PRMT8: variants seen among roughly 807,000 people sequenced by gnomAD.
PRMT8 encodes protein arginine methyltransferase 8.
A neutral mutation model predicts 47.1 loss-of-function variants in PRMT8; 7 were observed. The observed-to-expected ratio is 0.15, with a 90% CI of 0.08 to 0.28. The LOEUF is 0.28. PRMT8 is among the 10% of genes least tolerant of loss of function. The probability of loss-of-function intolerance (pLI) is 1.00; values close to 1 mark genes in which losing one functional copy is unlikely to be tolerated. For synonymous variants in PRMT8, 188 were observed against 186.5 expected, an observed-to-expected ratio of 1.01 and a Z score of -0.07; for missense variants, 237 against 505.4, an observed-to-expected ratio of 0.47 and a Z score of 5.09.
At chr12:3,448,386 T>C (rs1267664045) in intron 1 of PRMT8, among the ~76,000 whole-genome samples, 1 of 152,228 alleles carries the variant, frequency 6.6e-6, no homozygotes, top group Non-Finnish European at 1.5e-5. Context: ...GTTATTGTAT[T>C]ACAAATTTAA....
chr12:3,400,335 C>G (rs1864304151), intron 1 of PRMT8, among the ~76,000 whole-genome samples: 1 of 152,124 alleles, frequency 6.6e-6, no homozygotes, highest in Non-Finnish European at 1.5e-5. Context: ...AGGATATCAC[C>G]ATTGACCCCA....
intron 1 of PRMT8, among the ~76,000 whole-genome samples, chr12:3,424,983 A>C (rs1273116898): frequency 6.6e-6 from 1 of 152,118 alleles, no homozygotes; most frequent in East Asian, 1.9e-4. Context: ...GTCACTTTGC[A>C]AGGGTTGGCG....
At position 3,535,443 on chromosome 12, in the gene PRMT8, AG is replaced by A. The variant is rs1358339400; in HGVS notation, c.76-5160del. Among the ~76,000 whole-genome samples, 3 of 152,208 alleles carry A rather than the reference AG, an allele frequency of 2.0e-5. No individual in the cohort carries two copies. The East Asian group carries it at 5.8e-4, about 29-fold the overall frequency. On this transcript the variant is annotated intron_variant, in intron 1 of 9. Transcript: ENST00000382622. The surrounding 1 kb of genome is among the most constrained non-coding windows in gnomAD (Gnocchi z 4.7). ...GGCAAATCACAAGTATTGACAGTGG[AG>A]GGTGATTCTCACCATATCAGGGAGG...
At position 3,457,469 on chromosome 12, in the gene PRMT8, T is replaced by G. The variant is rs926946149; in HGVS notation, c.48+76027T>G. 3.4e-4 allele frequency among the ~76,000 whole-genome samples: 52 copies of G among 151,988 alleles called. 1 individual carries two copies. The highest frequency in any genetic ancestry group is 3.1e-3 in the Admixed American group (48 of 15,256). On this transcript the variant is annotated intron_variant, in intron 1 of 9. Transcript: ENST00000452611. ...GGCTACAGGTGCATGCGCCACCACA[T>G]CCAGCTAATTTTTAATTTTTGTAGA...
Position 3,593,205 on chromosome 12 carries a change from G to A in PRMT8, c.*23G>A, listed in dbSNP as rs180920995. Reference sequence around the variant, plus strand: ...TAGCACACGTGGGAAGCTGCAGAGAGCAACGAGAAAAGGAACTCTCACCTC... The same window carrying A: ...TAGCACACGTGGGAAGCTGCAGAGAACAACGAGAAAAGGAACTCTCACCTC... On this transcript the variant is annotated 3_prime_UTR_variant, in exon 10 of 10. Transcript: ENST00000382622. The surrounding 1 kb of genome is among the most constrained non-coding windows in gnomAD (Gnocchi z 4.8). 9.5e-4 allele frequency: 1,519 copies of A among 1,598,272 alleles called. 1 individual carries two copies. Among genetic ancestry groups the A allele is most frequent in the Non-Finnish European group, 1.2e-3 (1,419 of 1,167,188 alleles).
chr12:3,509,869 CA>C (rs1276605190), intron 1 of PRMT8, among the ~76,000 whole-genome samples: 2 of 152,196 alleles, frequency 1.3e-5, no homozygotes, highest in Non-Finnish European at 2.9e-5. Context: ...TTAATCAATG[CA>C]AACTGAGTAA....
intron 8 of PRMT8, among the ~76,000 whole-genome samples, chr12:3,591,156 G>A (rs996041878): frequency 3.3e-5 from 5 of 152,096 alleles, no homozygotes; most frequent in African/African-American, 1.2e-4. Flanking sequence ...ACATTTAACT[G>A]GAGAATATAT....
chr12:3,443,860 G>A (rs1206029078), intron 1 of PRMT8, among the ~76,000 whole-genome samples: 1 of 152,136 alleles, frequency 6.6e-6, no homozygotes, highest in Non-Finnish European at 1.5e-5. Flanking sequence ...TTGCTTTTGT[G>A]TCTGTCCCCC....
intron 4 of PRMT8, among the ~76,000 whole-genome samples, chr12:3,556,130 AG>A (rs1866524452): frequency 6.6e-6 from 1 of 152,144 alleles, no homozygotes; most frequent in African/African-American, 2.4e-5. Flanking sequence ...TCAGACATCC[AG>A]GTAGGTGCGC....
At chr12:3,415,464 G>A (rs1267354654) in intron 1 of PRMT8, among the ~76,000 whole-genome samples, 2 of 152,128 alleles carry the variant, frequency 1.3e-5, no homozygotes, top group East Asian at 3.9e-4. Flanking sequence ...ATCCTGTCTT[G>A]GTTTGAGTGA....
At chr12:3,420,650 G>A (rs889264164) in intron 1 of PRMT8, among the ~76,000 whole-genome samples, 25 of 152,176 alleles carry the variant, frequency 1.6e-4, no homozygotes, top group Admixed American at 5.2e-4. Context: ...TGACAATGAC[G>A]GTGGAGGCGG....
chr12:3,584,772 C>T (rs1400971350), intron 8 of PRMT8, among the ~76,000 whole-genome samples: 1 of 152,156 alleles, frequency 6.6e-6, no homozygotes, highest in Non-Finnish European at 1.5e-5. Flanking sequence ...TATAGATTCA[C>T]AGGAAGTTGT....
intron 5 of PRMT8, 89 bp downstream of exon 5, chr12:3,568,937 C>T (rs1866789430): frequency 6.5e-7 from 1 of 1,546,544 alleles, no homozygotes; most frequent in South Asian, 1.2e-5. Flanking sequence ...CATACGAAGA[C>T]TTCAGAGAAG....
chr12:3,554,783 G>A (rs745719481), intron 4 of PRMT8, among the ~76,000 whole-genome samples: 2 of 152,168 alleles, frequency 1.3e-5, no homozygotes, highest in African/African-American at 4.8e-5. Context: ...CCGAGGCACC[G>A]AGGAGTCAGC....
intron 1 of PRMT8, among the ~76,000 whole-genome samples, chr12:3,427,380 C>T (rs984700774): frequency 1.3e-5 from 2 of 151,974 alleles, no homozygotes; most frequent in Non-Finnish European, 2.9e-5. Context: ...TTTTAAAGTT[C>T]AGTTCACAGA....
rs1380161483 is a variant in PRMT8, at chr12:3,436,949, C to G, written c.48+55507C>G. 6.6e-6 allele frequency among the ~76,000 whole-genome samples: 1 copy of G among 152,186 alleles called. No homozygotes were observed. ...AGAGTTTGGTAGGTTCAATTTGATT[C>G]AGTTTGGCAAACATTTACTCACCTT... On this transcript the variant is annotated intron_variant, in intron 1 of 9. Transcript: ENST00000452611. The surrounding 1 kb of genome is among the most constrained non-coding windows in gnomAD (Gnocchi z 4.2).
intron 1 of PRMT8, among the ~76,000 whole-genome samples, chr12:3,386,198 C>T (rs1214323604): frequency 6.6e-6 from 1 of 152,180 alleles, no homozygotes; most frequent in Non-Finnish European, 1.5e-5. Context: ...TTGGGCTGAG[C>T]AATCCTGCAG....
intron 1 of PRMT8, among the ~76,000 whole-genome samples, chr12:3,402,760 A>G (rs1370636282): frequency 1.3e-5 from 2 of 152,218 alleles, no homozygotes; most frequent in Non-Finnish European, 2.9e-5. Flanking sequence ...AATCAAAACC[A>G]CAATGAGATA....
chr12:3,416,379 C>T (rs1374980455), intron 1 of PRMT8, among the ~76,000 whole-genome samples: 1 of 152,200 alleles, frequency 6.6e-6, no homozygotes, highest in Non-Finnish European at 1.5e-5. Flanking sequence ...GGAGAGGATC[C>T]TCCAGGCTTT....
Sources: allele counts gnomAD v4.1 joint callset (sites outside exome capture counted in the v4.1 genomes callset), GRCh38; gene constraint gnomAD v4.1.1; non-coding constraint Gnocchi (gnomAD v3.1); transcripts MANE v1.5; gene names NCBI Gene and HGNC (gene_info 2026-07-23, HGNC 2026-07-21).